OSGIN1: variants seen among roughly 807,000 people sequenced by gnomAD.
The protein encoded by OSGIN1 is oxidative stress induced growth inhibitor 1, also known as oxidative stress-induced growth inhibitor 1.
In OSGIN1, 19 loss-of-function variants were observed where a neutral mutation model predicts 20.1. The observed-to-expected ratio is 0.95, with a 90% confidence interval of 0.66 to 1.39. The LOEUF (loss-of-function observed/expected upper bound fraction) is 1.39, where lower values mean the gene tolerates loss of function less well. Among genes scored for constraint, OSGIN1 ranks in the 40% most tolerant of loss-of-function variants. The pLI is 0.00. For missense variants in OSGIN1, 820 were observed against 653.0 expected, an observed-to-expected ratio of 1.26 and a Z score of -2.79; for synonymous variants, 368 against 297.8, an observed-to-expected ratio of 1.24 and a Z score of -2.43.
At position 83,961,032 on chromosome 16, in the gene OSGIN1, C is replaced by G; in HGVS notation, c.448C>G (p.Pro150Ala). ...GAGCCAAGGCCAGTGGATGGGGCTC[C>G]CGGACCTGGAGGTCAAGGACTGGAT... The part of the protein sequence containing the change: ...ILSQGQWMGL[P>A]DLEVKDWMQK... Residue 150 changes from proline to alanine, a missense_variant, in exon 5 of 6, where the codon CCG becomes GCG. Transcript: ENST00000393306. The G allele has an allele frequency of 6.2e-7, 1 of 1,613,598 alleles. No individual in the cohort carries two copies. Among genetic ancestry groups the G allele is most frequent in the Non-Finnish European group, 8.5e-7 (1 of 1,180,008 alleles).
intron 5 of OSGIN1, among the ~76,000 whole-genome samples, chr16:83,963,977 G>A (rs1041170921): frequency 1.3e-5 from 2 of 148,800 alleles, no homozygotes; most frequent in Non-Finnish European, 3.0e-5. Flanking sequence ...TGCGTCACAT[G>A]GGAGTCTTTA....
At chr16:83,961,094 T>C (rs368958150) in intron 5 of OSGIN1, 22 bp downstream of exon 5, 12 of 1,589,678 alleles carry the variant, frequency 7.5e-6, no homozygotes, top group Middle Eastern at 1.7e-4. Context: ...CCGGAACGCC[T>C]TGGGGGACAC....
chr16:83,955,238 G>A (rs824401), intron 1 of OSGIN1, among the ~76,000 whole-genome samples: 50,474 of 152,080 alleles, frequency 0.33, 10,405 homozygotes, highest in African/African-American at 0.58. Context: ...TCTGAGACCC[G>A]TAGTCCTGTT....
intron 1 of OSGIN1, among the ~76,000 whole-genome samples, chr16:83,955,813 G>A (rs1338515017): frequency 1.3e-5 from 2 of 152,142 alleles, no homozygotes; most frequent in South Asian, 4.1e-4. Context: ...GGTCCCTGGT[G>A]ACTGCAGCGT....
chr16:83,957,509 T>C, intron 1 of OSGIN1, 131 bp from the exon 2 acceptor site: 2 of 617,084 alleles, frequency 3.2e-6, no homozygotes, highest in Admixed American at 5.4e-5. Context: ...TCCCGTCAGA[T>C]ATGTCTCATG....
chr16:83,961,309 C>T (rs544311884), intron 5 of OSGIN1: 93 of 489,636 alleles, frequency 1.9e-4, no homozygotes, highest in Middle Eastern at 1.2e-3. Context: ...TACATTGGTT[C>T]GGTCTGGAAA....
At chr16:83,962,526 C>T (rs1253434031) in intron 5 of OSGIN1, among the ~76,000 whole-genome samples, 1 of 152,250 alleles carries the variant, frequency 6.6e-6, no homozygotes, top group Non-Finnish European at 1.5e-5. Flanking sequence ...CAGGCGTGAG[C>T]CACCACGCCA....
rs573185252 is a variant in OSGIN1, at chr16:83,964,433, G to C, written c.489-629G>C. 5.9e-5 allele frequency among the ~76,000 whole-genome samples: 9 copies of C among 152,204 alleles called. No individual in the cohort carries two copies. In the South Asian group the frequency reaches 1.9e-3, roughly 32 times the overall value. On this transcript the variant is annotated intron_variant, in intron 5 of 5. Transcript: ENST00000393306. ...GTAAGCACAGAGAATGAAGAAGCAGGCCCCCTCCCAGAAGCCCCCATGCCC... is the reference window on the plus strand; with the variant it reads ...GTAAGCACAGAGAATGAAGAAGCAGCCCCCCTCCCAGAAGCCCCCATGCCC...
chr16:83,956,132 C>T (rs576208493), intron 1 of OSGIN1, among the ~76,000 whole-genome samples: 56 of 152,314 alleles, frequency 3.7e-4, no homozygotes, highest in African/African-American at 1.3e-3. Flanking sequence ...CTGTAGAGTG[C>T]TCTGAGAAGG....
intron 2 of OSGIN1, among the ~76,000 whole-genome samples, chr16:83,958,297 G>A (rs893255278): frequency 6.6e-6 from 1 of 152,204 alleles, no homozygotes. Context: ...GAACCCAGGG[G>A]TCTAGAACAC....
At position 83,965,853 on chromosome 16, in the gene OSGIN1, T is replaced by C. The variant is rs754251301; in HGVS notation, c.1280T>C (p.Ile427Thr). Residue 427 changes from isoleucine (I) to threonine (T), a missense_variant, in exon 6 of 6, where the codon ATT becomes ACT. Physicochemically the swap from Ile to Thr is moderately conservative, Grantham distance 89. Transcript: ENST00000393306. ...DQPLSAKRNP[I>T]DVDPFTYQST... ...CCGCTGAGCGCCAAGAGGAACCCCA[T>C]TGACGTGGACCCCTTCACCTACCAG... 10 of 1,612,912 alleles carry C rather than the reference T, an allele frequency of 6.2e-6. No homozygotes were observed. The highest frequency in any genetic ancestry group is 3.4e-6 in the Non-Finnish European group (4 of 1,179,986).
At chr16:83,964,946 C>G (rs974507517) in intron 5 of OSGIN1, 116 bp from the exon 6 acceptor site, 1 of 722,812 alleles carries the variant, frequency 1.4e-6, no homozygotes, top group East Asian at 2.5e-5. Flanking sequence ...CCTAGTCCTA[C>G]AGCTACAGCC....
rs778185860 is a variant in OSGIN1, at chr16:83,959,303, C to T, written c.111C>T (p.Gly37=). The change falls in exon 3 of 6, where the codon GGC becomes GGT. Residue 37 remains glycine, a synonymous_variant. Transcript: ENST00000393306. ...SGICLSYLLS[G]YTPYTKPDAI... is the part of the protein sequence containing the mutation. Reference sequence around the variant, plus strand: ...TCTGCCTGTCCTACCTGCTCTCCGGCTACACACCCTACACGAAGCCAGATG... The same window carrying T: ...TCTGCCTGTCCTACCTGCTCTCCGGTTACACACCCTACACGAAGCCAGATG... 1.2e-6 allele frequency: 2 copies of T among 1,613,720 alleles called. No homozygotes were observed. The highest frequency in any genetic ancestry group is 1.7e-5 in the Admixed American group (1 of 59,990).
chr16:83,954,653 C>G (rs1908841543), intron 1 of OSGIN1: 4 of 564,258 alleles, frequency 7.1e-6, no homozygotes, highest in Non-Finnish European at 6.8e-6. Flanking sequence ...AGGTCCAGCC[C>G]CTGGGTGGTG....
In OSGIN1 at chr16:83,960,717, C is replaced by A; in HGVS notation, c.353C>A (p.Pro118His). 1.2e-6 allele frequency: 2 copies of A among 1,613,498 alleles called. No homozygotes were observed. The highest frequency in any genetic ancestry group is 1.7e-6 in the Non-Finnish European group (2 of 1,180,036). ...TWKHRKEHAI[P>H]HVVLGRNLPG... ...AAGCACCGGAAGGAGCACGCCATCCCCCACGTGGTTCTGGGCCGGAACCTC... is the reference window on the plus strand; with the variant it reads ...AAGCACCGGAAGGAGCACGCCATCCACCACGTGGTTCTGGGCCGGAACCTC... The change falls in exon 4 of 6, where the codon CCC becomes CAC. Residue 118 changes from proline to histidine, a missense_variant. Pro to His is a moderately conservative substitution (Grantham distance 77). Coordinates refer to ENST00000393306, the MANE Select transcript of OSGIN1 (RefSeq NM_182981.3).
At chr16:83,953,446 G>A in intron 1 of OSGIN1, 76 bp downstream of exon 1, 7 of 1,243,482 alleles carry the variant, frequency 5.6e-6, no homozygotes, top group South Asian at 1.3e-5. Context: ...CAGCTGGACC[G>A]GAGGGTCTGC....
At chr16:83,954,644 G>A (rs1212017829) in intron 1 of OSGIN1, 1 of 473,102 alleles carries the variant, frequency 2.1e-6, no homozygotes, top group Non-Finnish European at 2.8e-6. Flanking sequence ...TGACTTCTCA[G>A]GTCCAGCCCC....
intron 2 of OSGIN1, among the ~76,000 whole-genome samples, chr16:83,958,904 C>T (rs1332316009): frequency 3.3e-5 from 5 of 152,186 alleles, no homozygotes; most frequent in African/African-American, 1.2e-4. Context: ...AATCCCGGCT[C>T]GTCTACCTTC....
intron 5 of OSGIN1, among the ~76,000 whole-genome samples, chr16:83,964,707 C>G (rs1029576767): frequency 2.6e-5 from 4 of 152,200 alleles, no homozygotes; most frequent in Non-Finnish European, 5.9e-5. Flanking sequence ...GGTCCTGCCA[C>G]CAACATCTTC....
Sources: allele counts gnomAD v4.1 joint callset (sites outside exome capture counted in the v4.1 genomes callset), GRCh38; gene constraint gnomAD v4.1.1; transcripts MANE v1.5; gene names NCBI Gene and HGNC (gene_info 2026-07-23, HGNC 2026-07-21).